Variants in DST observed in about 807,000 individuals in gnomAD.
The protein encoded by DST is dystonin, also known as bullous pemphigoid antigen.
A neutral mutation model predicts 875.2 loss-of-function variants in DST; 253 were observed. The observed-to-expected ratio is 0.29, with a 90% CI of 0.26 to 0.32. The LOEUF (loss-of-function observed/expected upper bound fraction) is 0.32, where lower values mean the gene tolerates loss of function less well. Ranked by LOEUF, DST falls within the 10% of genes least tolerant of loss-of-function variation. The probability of loss-of-function intolerance (pLI) is 1.00; values close to 1 mark genes in which losing one functional copy is unlikely to be tolerated. For missense variants in DST, 8,287 were observed against 9,111.6 expected, an observed-to-expected ratio of 0.91 and a Z score of 3.68; for synonymous variants, 3,124 against 3,197.1, an observed-to-expected ratio of 0.98 and a Z score of 0.77.
In DST at chr6:56,827,506, C is replaced by CAAAA. The variant is rs779051829; in HGVS notation, c.625+23887_625+23890dup. 7.0e-3 allele frequency among the ~76,000 whole-genome samples: 410 copies of CAAAA among 58,268 alleles called. 4 individuals are homozygous for CAAAA. The highest frequency in any genetic ancestry group is 0.012 in the Non-Finnish European group (321 of 27,572). The allele number at this position is 58,268 out of a possible 152,430, so 38.2% of individuals were successfully genotyped here. A position where few individuals can be genotyped will look rare whatever the true frequency, so the allele number is the denominator to read the frequency against. ...TGGGCAACAGAGTGAGACTCCGTCT[C>CAAAA]AAAAAAAAAAAAAAAAAAAAAGGTA... On this transcript the variant is annotated intron_variant, in intron 4 of 103. Transcript: ENST00000680361.
At chr6:56,654,890 G>A (rs1384487923) in intron 10 of DST, among the ~76,000 whole-genome samples, 1 of 152,190 alleles carries the variant, frequency 6.6e-6, no homozygotes, top group Non-Finnish European at 1.5e-5. Flanking sequence ...GCTGGGCGCA[G>A]TGGCTCATGC....
intron 4 of DST, among the ~76,000 whole-genome samples, chr6:56,835,689 AAGT>A (rs1028208614): frequency 6.6e-6 from 1 of 152,206 alleles, no homozygotes; most frequent in African/African-American, 2.4e-5. Flanking sequence ...CTCACTAGAC[AAGT>A]AGTAGTATTT....
At chr6:56,813,645 C>G (rs1049785598) in intron 4 of DST, among the ~76,000 whole-genome samples, 1 of 152,130 alleles carries the variant, frequency 6.6e-6, no homozygotes, top group Non-Finnish European at 1.5e-5. Context: ...TTGAGATACG[C>G]TTTTCAGAAA....
chr6:56,620,341 C>T, intron 36 of DST: 1 of 1,614,130 alleles, frequency 6.2e-7, no homozygotes, highest in Non-Finnish European at 8.5e-7. Context: ...GGTTCTCTTC[C>T]ACGGCAGCTC....
rs78484087 is a variant in DST, at chr6:56,561,444, T to C, written c.14174A>G (p.Lys4725Arg). 5,407 of 1,613,870 alleles carry C rather than the reference T, an allele frequency of 3.4e-3. 139 individuals carry two copies. In the African/African-American group the frequency reaches 0.059, roughly 18 times the overall value. The change falls in exon 57 of 104, where the codon AAA (lysine) becomes AGA (arginine). Residue 4725 changes from lysine (K) to arginine (R), a missense_variant. Lys to Arg is a conservative substitution (Grantham distance 26, BLOSUM62 2). This residue lies in a region of DST where 1,513 missense variants were observed against 1,677.8 expected (regional missense o/e 0.90). Coordinates refer to ENST00000680361, the MANE Select transcript of DST (RefSeq NM_001374736.1). ...KIAELNTKLS[K>R]LQKAQEESSA... ...TGATTCTTCCTGAGCCTTTTGCAAT[T>C]TGGAGAGTTTAGTGTTCAGTTCCGC... is the stretch of plus-strand genomic sequence containing the variant.
Position 56,613,662 on chromosome 6 carries a change from C to T in DST, c.5058+694G>A, listed in dbSNP as rs571523694. 5.3e-5 allele frequency among the ~76,000 whole-genome samples: 8 copies of T among 152,248 alleles called. No individual in the cohort carries two copies. The South Asian group carries it at 1.0e-3, about 20-fold the overall frequency. ...GCAGCAATCCCACTGCTATCACCAGCGGCAGCAATACTAAAATGTACACCC... is the reference window on the plus strand; with the variant it reads ...GCAGCAATCCCACTGCTATCACCAGTGGCAGCAATACTAAAATGTACACCC... On this transcript the variant is annotated intron_variant, in intron 37 of 103. Transcript: ENST00000680361.
At chr6:56,896,441 C>T (rs1457479295) in intron 3 of DST, among the ~76,000 whole-genome samples, 1 of 152,158 alleles carries the variant, frequency 6.6e-6, no homozygotes, top group Non-Finnish European at 1.5e-5. Flanking sequence ...TCACCTCCCA[C>T]GATTCTGAGG....
At chr6:56,732,532 G>A (rs1037954724) in intron 5 of DST, among the ~76,000 whole-genome samples, 6 of 152,062 alleles carry the variant, frequency 3.9e-5, no homozygotes, top group Admixed American at 1.3e-4. Context: ...GTATCGAAGA[G>A]CAAAAAAATC....
At chr6:56,642,212 T>C in intron 16 of DST, 111 bp from the exon 17 acceptor site, 1 of 987,518 alleles carries the variant, frequency 1.0e-6, no homozygotes. Flanking sequence ...TCTTTAGTTT[T>C]CCTTGTTGGT....
At chr6:56,857,982 T>C (rs1436221885) in intron 3 of DST, among the ~76,000 whole-genome samples, 3 of 152,254 alleles carry the variant, frequency 2.0e-5, no homozygotes, top group Non-Finnish European at 4.4e-5. Flanking sequence ...CTTTAGTTAA[T>C]AATTTTCAAA....
Position 56,609,065 on chromosome 6 carries a change from C to G in DST, c.5563G>C (p.Val1855Leu), listed in dbSNP as rs776657668. Reference protein sequence around the residue: ...ISAASPTTIPVLDALAQSMIT... With the variant: ...ISAASPTTIPLLDALAQSMIT... ...ATGCTTTGAGCTAGAGCATCCAGTA[C>G]TGGAATTGTGGTAGGTGACGCAGCA... Residue 1855 changes from valine (V) to leucine (L), a missense_variant, in exon 40 of 104, where the codon GTA (valine) becomes CTA (leucine). Transcript: ENST00000680361. 5 of 1,613,744 alleles carry G rather than the reference C, an allele frequency of 3.1e-6. No homozygotes were observed. The highest frequency in any genetic ancestry group is 1.3e-5 in the African/African-American group (1 of 74,916).
rs1356119449 is a variant in DST, at chr6:56,604,605, C to T, written c.10023G>A (p.Glu3341=). The T allele has an allele frequency of 6.2e-7, 1 of 1,611,994 alleles. No individual in the cohort carries two copies. Among genetic ancestry groups the T allele is most frequent in the East Asian group, 2.2e-5 (1 of 44,858 alleles). Residue 3341 remains glutamate, a synonymous_variant, in exon 40 of 104, where the codon GAG becomes GAA. Transcript: ENST00000680361. ...QALSPRSQEK[E]VQIPELSQVF... ...CCTGAGACAATTCAGGAATCTGAAC[C>T]TCCTTTTCTTGGGATCTTGGAGACA...
rs62411413 is a variant in DST, at chr6:56,899,606, G to C, written c.417+815C>G. On this transcript the variant is annotated intron_variant, in intron 3 of 103. Coordinates refer to ENST00000680361, the MANE Select transcript of DST (RefSeq NM_001374736.1). ...ACAACAACAGGCTCCCCACAGCATA[G>C]AGATGAGCCATACAGACACTTTTTT... 2.0e-5 allele frequency among the ~76,000 whole-genome samples: 3 copies of C among 152,178 alleles called. No homozygotes were observed. In the South Asian group the frequency reaches 6.2e-4, roughly 31 times the overall value.
chr6:56,772,512 G>A (rs535693664), intron 4 of DST, among the ~76,000 whole-genome samples: 6 of 152,172 alleles, frequency 3.9e-5, no homozygotes, highest in East Asian at 3.9e-4. Flanking sequence ...ATTATCTTTC[G>A]GGATCCCAAT....
intron 78 of DST, among the ~76,000 whole-genome samples, chr6:56,503,117 T>A (rs1372546140): frequency 2.6e-5 from 4 of 152,094 alleles, no homozygotes; most frequent in African/African-American, 9.7e-5. Context: ...GTTTTTAACC[T>A]GTTGAGACTA....
At chr6:56,554,320 G>A (rs541975892) in intron 60 of DST, among the ~76,000 whole-genome samples, 14 of 151,998 alleles carry the variant, frequency 9.2e-5, no homozygotes, top group Middle Eastern at 3.4e-3. Context: ...TCCTGACCTC[G>A]TGATCCGCCG....
In DST at chr6:56,594,160, C is replaced by G; in HGVS notation, c.12229G>C (p.Ala4077Pro). The G allele has an allele frequency of 6.4e-7, 1 of 1,554,688 alleles. No homozygotes were observed. Among genetic ancestry groups the G allele is most frequent in the Non-Finnish European group, 8.7e-7 (1 of 1,156,012 alleles). Residue 4077 changes from alanine to proline, a missense_variant, in exon 48 of 104, where the codon GCA (alanine) becomes CCA (proline). Around this residue, in one of 10 missense-constraint regions of DST, gnomAD observed 1,513 missense variants for 1,677.8 expected, o/e 0.90. Coordinates refer to ENST00000680361, the MANE Select transcript of DST (RefSeq NM_001374736.1). ...QHEKIISQHQ[A>P]VIIATQSAQV... ...GCAGACTGAGTGGCTATGATCACTG[C>G]TTGGTGCTGAGAGATGATCTTCTCG...
chr6:56,902,568 G>A (rs1222311422), intron 2 of DST, among the ~76,000 whole-genome samples: 1 of 152,238 alleles, frequency 6.6e-6, no homozygotes, highest in African/African-American at 2.4e-5. Context: ...GAGGTCAACA[G>A]AAATCGGTAA....
At chr6:56,624,850 T>C (rs942424588) in intron 35 of DST, among the ~76,000 whole-genome samples, 3 of 152,170 alleles carry the variant, frequency 2.0e-5, no homozygotes, top group African/African-American at 7.2e-5. Flanking sequence ...AGTACATTTA[T>C]TTATCTCCAT....
Sources: allele counts gnomAD v4.1 joint callset (sites outside exome capture counted in the v4.1 genomes callset), GRCh38; gene constraint gnomAD v4.1.1; regional missense constraint gnomAD v4.1.1; transcripts MANE v1.5; gene names NCBI Gene and HGNC (gene_info 2026-07-23, HGNC 2026-07-21).